Variants in POLD1 observed in about 807,000 individuals in gnomAD.
POLD1 encodes the protein DNA polymerase delta catalytic subunit.
POLD1 carries 79 observed loss-of-function variants against 129.7 expected under a neutral mutation model. The ratio of observed to expected loss-of-function variants is 0.61; its 90% CI spans 0.51 to 0.73. The LOEUF (loss-of-function observed/expected upper bound fraction) is 0.73, where lower values mean the gene tolerates loss of function less well. Ranked by LOEUF, POLD1 falls within the 30% of genes least tolerant of loss-of-function variation. The probability of loss-of-function intolerance (pLI) is 0.00; values close to 1 mark genes in which losing one functional copy is unlikely to be tolerated. For missense variants in POLD1, 1,338 were observed against 1,595.8 expected (o/e 0.84, Z 2.75); for synonymous variants, 714 against 683.3 (o/e 1.04, Z -0.70).
At chr19:50,400,403 T>C (rs2038550528) in intron 3 of POLD1, among the ~76,000 whole-genome samples, 1 of 150,584 alleles carries the variant, frequency 6.6e-6, no homozygotes, top group South Asian at 2.1e-4. Flanking sequence ...ATATTTTTAG[T>C]AGAGACAGGG....
rs1163666339 is a variant in POLD1 at position 50,417,910 on chromosome 19, T to C, written c.3287T>C (p.Leu1096Pro). Residue 1096 changes from leucine to proline, a missense_variant, in exon 27 of 27, where the codon CTG (leucine) becomes CCG (proline). This residue lies in a region of POLD1 where 286 missense variants were observed against 277.5 expected (regional missense o/e 1.03). Transcript: ENST00000440232. ...GACCTGGAAGACCAGGAGCAGCTCC[T>C]GCGGCGCTTCGGACCCCCTGGACCT... The part of the protein sequence containing the change: ...RKDLEDQEQL[L>P]RRFGPPGPEA... The C allele has an allele frequency of 6.2e-7, 1 of 1,611,616 alleles. No homozygotes were observed. Among genetic ancestry groups the C allele is most frequent in the South Asian group, 1.1e-5 (1 of 90,504 alleles).
At chr19:50,391,235 C>T (rs1329159279) in intron 1 of POLD1, among the ~76,000 whole-genome samples, 1 of 149,334 alleles carries the variant, frequency 6.7e-6, no homozygotes. Flanking sequence ...TGGGAAGAGG[C>T]GCTCCTCACT....
At chr19:50,417,448 C>T (rs1047893951) in intron 26 of POLD1, among the ~76,000 whole-genome samples, 179 bp downstream of exon 26, 1 of 152,188 alleles carries the variant, frequency 6.6e-6, no homozygotes, top group African/African-American at 2.4e-5. Context: ...CCCATCCCAG[C>T]CCCCCAGAGG....
At chr19:50,400,496 C>G (rs1322971607) in intron 3 of POLD1, among the ~76,000 whole-genome samples, 1 of 144,316 alleles carries the variant, frequency 6.9e-6, no homozygotes, top group Non-Finnish European at 1.5e-5. Flanking sequence ...GCTGGGATTA[C>G]AGGAGTGAGT....
rs753194564 is a variant in POLD1, at chr19:50,406,988, G to A, written c.1500G>A (p.Gly500=). Residue 500 remains glycine (G), a synonymous_variant, in exon 13 of 27, where the codon GGG becomes GGA. Coordinates refer to ENST00000440232, the MANE Select transcript of POLD1 (RefSeq NM_002691.4). The surrounding 1 kb of genome is among the most constrained non-coding windows in gnomAD (Gnocchi z 5.5). ...CCATCCGTGCCCATCCCCAGAATGG[G>A]AACGACCAGACCCGCCGCCGCCTGG... ...QHSIITDLQN[G]NDQTRRRLAV... is the part of the protein sequence containing the mutation. The A allele has an allele frequency of 1.3e-6, 2 of 1,596,664 alleles. No individual in the cohort carries two copies. The highest frequency in any genetic ancestry group is 1.7e-5 in the Admixed American group (1 of 58,516).
chr19:50,416,290 G>T (rs948096925), intron 22 of POLD1, 106 bp from the exon 23 acceptor site: 12 of 1,213,362 alleles, frequency 9.9e-6, no homozygotes, highest in Non-Finnish European at 1.3e-5. Flanking sequence ...CCATGTCACA[G>T]CCCGCAGGCA....
chr19:50,398,539 C>T (rs1162786267), intron 1 of POLD1, among the ~76,000 whole-genome samples: 1 of 123,420 alleles, frequency 8.1e-6, no homozygotes, highest in Non-Finnish European at 1.6e-5. Flanking sequence ...CATTGCACTC[C>T]AGCCTGGGTG....
chr19:50,389,913 T>G (rs1451081463), intron 1 of POLD1, among the ~76,000 whole-genome samples: 1 of 149,874 alleles, frequency 6.7e-6, no homozygotes, highest in Non-Finnish European at 1.5e-5. Flanking sequence ...TTTGTTTTGT[T>G]TTTTTTTTCT....
chr19:50,413,128 A>G (rs1047593385), intron 17 of POLD1, among the ~76,000 whole-genome samples: 1 of 152,120 alleles, frequency 6.6e-6, no homozygotes, highest in Admixed American at 6.6e-5. Flanking sequence ...TGAGGGAAAC[A>G]CTGGGCCAGT....
chr19:50,391,642 C>T (rs1237627134), intron 1 of POLD1, among the ~76,000 whole-genome samples: 2 of 140,452 alleles, frequency 1.4e-5, no homozygotes, highest in African/African-American at 2.6e-5. Context: ...GCCGAGATGG[C>T]GGCAGCACAG....
At chr19:50,415,685 CA>C in intron 21 of POLD1, 38 bp from the exon 22 acceptor site, 1 of 1,463,238 alleles carries the variant, frequency 6.8e-7, no homozygotes, top group Non-Finnish European at 9.3e-7. Flanking sequence ...CCCCGCCACC[CA>C]CCTGCCCTCA....
chr19:50,409,781 C>A lies in POLD1; in HGVS notation c.2154+115C>A. On this transcript the variant is annotated intron_variant, in intron 17 of 26. Coordinates refer to ENST00000440232, the MANE Select transcript of POLD1 (RefSeq NM_002691.4). The surrounding 1 kb of genome is among the most constrained non-coding windows in gnomAD (Gnocchi z 5.8). ...AGGACTGGGCACCCCAACTCACTGGCCTTCTAGAGAGAGGATGCCAATGTG... is the reference window on the plus strand; with the variant it reads ...AGGACTGGGCACCCCAACTCACTGGACTTCTAGAGAGAGGATGCCAATGTG... The A allele has an allele frequency of 8.6e-7, 1 of 1,160,666 alleles. No homozygotes were observed. Among genetic ancestry groups the A allele is most frequent in the Non-Finnish European group, 1.2e-6 (1 of 818,028 alleles). The allele number at this position is 1,160,666 out of a possible 1,614,324, so 71.9% of individuals were successfully genotyped here. A position where few individuals can be genotyped will look rare whatever the true frequency, so the allele number is the denominator to read the frequency against.
In POLD1 at chr19:50,409,967, G is replaced by T. The variant is rs996162112; in HGVS notation, c.2154+301G>T. ...CCAGTGGGGACACTGACAGGTCTGT[G>T]TAAACGTGTTTAGGACACAAGTGGC... On this transcript the variant is annotated intron_variant, in intron 17 of 26. Coordinates refer to ENST00000440232, the MANE Select transcript of POLD1 (RefSeq NM_002691.4). The surrounding 1 kb of genome is among the most constrained non-coding windows in gnomAD (Gnocchi z 5.8). Among the ~76,000 whole-genome samples, 1 of 152,246 alleles carries T rather than the reference G, an allele frequency of 6.6e-6. No individual in the cohort carries two copies. Among genetic ancestry groups the T allele is most frequent in the Non-Finnish European group, 1.5e-5 (1 of 68,038 alleles).
rs139235742 is a variant in POLD1 at position 50,413,803 on chromosome 19, C to T, written c.2312C>T (p.Ala771Val). Residue 771 changes from alanine (A) to valine (V), a missense_variant, in exon 19 of 27, where the codon GCG becomes GTG. Coordinates refer to ENST00000440232, the MANE Select transcript of POLD1 (RefSeq NM_002691.4). ...TTCGGCGTGTCCTCGGTGGCTGAGG[C>T]GATGGCCCTGGGGCGGGAGGCCGCG... ...CRFGVSSVAE[A>V]MALGREAADW... 7.4e-6 allele frequency: 12 copies of T among 1,612,394 alleles called. No homozygotes were observed. The highest frequency in any genetic ancestry group is 1.7e-5 in the Admixed American group (1 of 59,866).
chr19:50,417,014 C>T (rs1270695380), intron 24 of POLD1, 31 bp from the exon 25 acceptor site: 1 of 1,544,184 alleles, frequency 6.5e-7, no homozygotes, highest in Non-Finnish European at 8.7e-7. Context: ...TGGCTGGGCC[C>T]CAGCACTTGG....
At position 50,402,753 on chromosome 19, in the gene POLD1, G is replaced by C. The variant is rs778084767; in HGVS notation, c.970+12G>C. The C allele has an allele frequency of 5.1e-6, 8 of 1,577,536 alleles. No homozygotes were observed. In the Admixed American group the frequency reaches 1.4e-4, roughly 27 times the overall value. ...CGCCGGCCGCAAAGGTCTGTCCCCGGGCCCGGGCTCCTGCCCGCCTCATTG... is the reference window on the plus strand; with the variant it reads ...CGCCGGCCGCAAAGGTCTGTCCCCGCGCCCGGGCTCCTGCCCGCCTCATTG... On this transcript the variant is annotated intron_variant, in intron 8 of 26. Coordinates refer to ENST00000440232, the MANE Select transcript of POLD1 (RefSeq NM_002691.4).
At chr19:50,396,093 G>GT (rs566835820) in intron 1 of POLD1, among the ~76,000 whole-genome samples, 2,037 of 98,944 alleles carry the variant, frequency 0.021, 27 homozygotes, top group African/African-American at 0.085. Flanking sequence ...GTTTTTTTTT[G>GT]TTTTTTTTTT....
chr19:50,386,331 T>A (rs934475591), intron 1 of POLD1, among the ~76,000 whole-genome samples: 3 of 151,596 alleles, frequency 2.0e-5, no homozygotes, highest in Non-Finnish European at 4.4e-5. Flanking sequence ...AGAGACAGGG[T>A]TTTGTCATGT....
At chr19:50,386,106 G>A (rs911201247) in intron 1 of POLD1, among the ~76,000 whole-genome samples, 7 of 152,120 alleles carry the variant, frequency 4.6e-5, no homozygotes, top group African/African-American at 1.7e-4. Flanking sequence ...CACCAGAGTG[G>A]TTGATATTCA....
Sources: allele counts gnomAD v4.1 joint callset (sites outside exome capture counted in the v4.1 genomes callset), GRCh38; gene constraint gnomAD v4.1.1; regional missense constraint gnomAD v4.1.1; non-coding constraint Gnocchi (gnomAD v3.1); transcripts MANE v1.5; gene names NCBI Gene and HGNC (gene_info 2026-07-23, HGNC 2026-07-21).